The following BMP1 variants were observed in gnomAD, a reference collection of about 807,000 sequenced individuals.
BMP1 encodes the protein mammalian tolloid protein.
BMP1 carries 63 observed loss-of-function variants against 116.8 expected under a neutral mutation model. The observed-to-expected ratio is 0.54, with a 90% CI of 0.44 to 0.67. The LOEUF (loss-of-function observed/expected upper bound fraction) is 0.67, where lower values mean the gene tolerates loss of function less well. BMP1 is among the 30% of genes least tolerant of loss of function. The pLI, the probability that BMP1 is intolerant of heterozygous loss-of-function variation, is 0.00. For synonymous variants in BMP1, 536 were observed against 533.4 expected (o/e 1.00, Z -0.07); for missense variants, 1,183 against 1,358.9 (o/e 0.87, Z 2.04).
chr8:22,196,414 C>T, intron 13 of BMP1: 1 of 601,420 alleles, frequency 1.7e-6, no homozygotes, highest in Non-Finnish European at 3.0e-6. Flanking sequence ...CTTGGAGGAC[C>T]TTGGCCTGTT....
At chr8:22,204,286 G>C (rs1301298611) in intron 16 of BMP1, among the ~76,000 whole-genome samples, 1 of 152,170 alleles carries the variant, frequency 6.6e-6, no homozygotes, top group Non-Finnish European at 1.5e-5. Context: ...CCTCTACCAG[G>C]GACTTGAGAG....
intron 1 of BMP1, among the ~76,000 whole-genome samples, chr8:22,168,386 A>AC (rs369070400): frequency 7.3e-4 from 110 of 151,430 alleles, no homozygotes; most frequent in African/African-American, 2.0e-3. Context: ...ACTAGCCAAC[A>AC]CCCCCCCGGA....
chr8:22,173,388 T>C (rs973723330), intron 1 of BMP1, among the ~76,000 whole-genome samples: 1 of 152,222 alleles, frequency 6.6e-6, no homozygotes, highest in Non-Finnish European at 1.5e-5. Context: ...TCAGCTTTAC[T>C]GGGATTTTAA....
In BMP1 at chr8:22,194,806, A is replaced by G; in HGVS notation, c.1526A>G (p.Tyr509Cys). ...HSESSTLIGR[Y>C]CGYEKPDDIK... ...GAGAGCAGCACCCTCATCGGGCGCTACTGTGGCTATGAGAAGCCTGATGAC... is the reference window on the plus strand; with the variant it reads ...GAGAGCAGCACCCTCATCGGGCGCTGCTGTGGCTATGAGAAGCCTGATGAC... The change falls in exon 12 of 20, where the codon TAC becomes TGC. Residue 509 changes from tyrosine to cysteine, a missense_variant. Transcript: ENST00000306385. This position sits in a 1 kb window ranked among gnomAD's most constrained non-coding sequence, Gnocchi z 4.5. 6.2e-7 allele frequency: 1 copy of G among 1,613,800 alleles called. No individual in the cohort carries two copies. Among genetic ancestry groups the G allele is most frequent in the South Asian group, 1.1e-5 (1 of 90,948 alleles).
At chr8:22,168,447 G>C (rs1019554711) in intron 1 of BMP1, among the ~76,000 whole-genome samples, 1 of 152,148 alleles carries the variant, frequency 6.6e-6, no homozygotes, top group Non-Finnish European at 1.5e-5. Context: ...AATCAGAGAA[G>C]CCCAGGGGCC....
chr8:22,211,926 C>T lies in BMP1; in HGVS notation c.*198C>T. On this transcript the variant is annotated 3_prime_UTR_variant, in exon 20 of 20. Transcript: ENST00000306385. ...TAAGCCACTTCCCCACAAACCCCCA[C>T]CAGCAAGGGGCTGGGGCCAGGGAGC... 2.7e-6 allele frequency: 2 copies of T among 742,622 alleles called. No individual in the cohort carries two copies. Among genetic ancestry groups the T allele is most frequent in the Admixed American group, 2.9e-5 (1 of 35,086 alleles). The allele number at this position is 742,622 out of a possible 1,614,324, so 46.0% of individuals were successfully genotyped here. A position where few individuals can be genotyped will look rare whatever the true frequency, so the allele number is the denominator to read the frequency against.
In BMP1 at chr8:22,207,348, G is replaced by A. The variant is rs759658774; in HGVS notation, c.2407G>A (p.Asp803Asn). The A allele has an allele frequency of 5.0e-6, 8 of 1,613,928 alleles. No individual in the cohort carries two copies. Among genetic ancestry groups the A allele is most frequent in the South Asian group, 3.3e-5 (3 of 91,076 alleles). Residue 803 changes from aspartate to asparagine, a missense_variant, in exon 18 of 20, where the codon GAC (aspartate) becomes AAC (asparagine). Transcript: ENST00000306385. Reference sequence around the variant, plus strand: ...CGAGTCCCAGCCTGAGTGTGCCTACGACCACCTAGAGGTGTTCGACGGGCG... The same window carrying A: ...CGAGTCCCAGCCTGAGTGTGCCTACAACCACCTAGAGGTGTTCGACGGGCG... ...DIESQPECAY[D>N]HLEVFDGRDA...
chr8:22,177,815 C>G (rs767762641), intron 5 of BMP1, 37 bp from the exon 6 acceptor site: 3 of 1,501,358 alleles, frequency 2.0e-6, no homozygotes, highest in Non-Finnish European at 1.8e-6. Flanking sequence ...GACCCACCCC[C>G]TCCTCTCCCC....
At chr8:22,196,378 G>T in intron 13 of BMP1, 1 of 591,062 alleles carries the variant, frequency 1.7e-6, no homozygotes, top group Non-Finnish European at 3.1e-6. Context: ...TGCTTTCCCT[G>T]AGCCCCTTAT....
rs1191213573 is a variant in BMP1 at position 22,179,004 on chromosome 8, A to G, written c.837-701A>G. Among the ~76,000 whole-genome samples, 1 of 151,996 alleles carries G rather than the reference A, an allele frequency of 6.6e-6. No individual in the cohort carries two copies. The highest frequency in any genetic ancestry group is 2.4e-5 in the African/African-American group (1 of 41,380). Reference sequence around the variant, plus strand: ...CAGACCCGGCCTTACATTTCCCACCACATCCCACCCCACCCCCTGCTGCGA... The same window carrying G: ...CAGACCCGGCCTTACATTTCCCACCGCATCCCACCCCACCCCCTGCTGCGA... On this transcript the variant is annotated intron_variant, in intron 6 of 19. Transcript: ENST00000306385. This position sits in a 1 kb window ranked among gnomAD's most constrained non-coding sequence, Gnocchi z 4.6.
intron 1 of BMP1, among the ~76,000 whole-genome samples, chr8:22,165,882 CGTGTGTGTGT>C (rs149003237): frequency 2.2e-4 from 29 of 131,416 alleles, no homozygotes; most frequent in Non-Finnish European, 2.7e-4. Flanking sequence ...CCTGTGCGTG[CGTGTGTGTGT>C]GTGTGTGTGT....
chr8:22,209,784 C>A (rs947637546), intron 19 of BMP1, 89 bp downstream of exon 19: 8 of 1,446,532 alleles, frequency 5.5e-6, no homozygotes, highest in South Asian at 2.5e-5. Flanking sequence ...CAAGACCTAG[C>A]GCCCACACAG....
chr8:22,195,136 A>C (rs1372279665), intron 12 of BMP1, among the ~76,000 whole-genome samples: 2 of 152,186 alleles, frequency 1.3e-5, no homozygotes, highest in African/African-American at 4.8e-5. Flanking sequence ...GAAAAAAGGC[A>C]GTTGGAGGTT....
chr8:22,199,304 A>T (rs1231441249), intron 15 of BMP1: 1 of 1,362,438 alleles, frequency 7.3e-7, no homozygotes, highest in East Asian at 4.6e-5. Flanking sequence ...CACCGAGGAG[A>T]CCCTAAGCCA....
At chr8:22,165,699 G>C in intron 1 of BMP1, 146 bp downstream of exon 1, 1 of 919,072 alleles carries the variant, frequency 1.1e-6, no homozygotes, top group Non-Finnish European at 1.5e-6. Flanking sequence ...ACGAGGGGGA[G>C]AGGGAGGGGG....
chr8:22,191,942 C>A, intron 8 of BMP1, 107 bp from the exon 9 acceptor site: 1 of 998,706 alleles, frequency 1.0e-6, no homozygotes, highest in Non-Finnish European at 1.5e-6. Context: ...AACTCTCGCC[C>A]AGGGGGACCT....
At chr8:22,201,747 A>G (rs1829267506) in intron 15 of BMP1, 56 bp from the exon 16 acceptor site, 1 of 1,603,868 alleles carries the variant, frequency 6.2e-7, no homozygotes, top group Non-Finnish European at 8.5e-7. Flanking sequence ...CCCCTGGGGC[A>G]TCCCAACCTC....
At chr8:22,191,963 AG>A in intron 8 of BMP1, 85 bp from the exon 9 acceptor site, 1 of 1,255,742 alleles carries the variant, frequency 8.0e-7, no homozygotes, top group South Asian at 1.3e-5. Flanking sequence ...GCCTCGCGTA[AG>A]GCGGGCGGTG....
chr8:22,169,240 G>A (rs901519008), intron 1 of BMP1: 7 of 151,526 alleles, frequency 4.6e-5, no homozygotes, highest in South Asian at 2.1e-4. Flanking sequence ...AAGATATTGC[G>A]GTCGGGGGAG....
Sources: gnomAD v4.1 joint callset for allele counts (sites outside exome capture counted in the v4.1 genomes callset) on GRCh38, gnomAD v4.1.1 for gene constraint, Gnocchi (gnomAD v3.1) non-coding constraint, MANE v1.5 for transcripts, NCBI Gene and HGNC (gene_info 2026-07-23, HGNC 2026-07-21) for gene names.